FBN2: variants seen among roughly 807,000 people sequenced by gnomAD.
FBN2 encodes fibrillin 2.
A neutral mutation model predicts 355.6 loss-of-function variants in FBN2; 105 were observed. The ratio of observed to expected loss-of-function variants is 0.30; its 90% CI spans 0.25 to 0.35. The LOEUF (loss-of-function observed/expected upper bound fraction) is 0.35, where lower values mean the gene tolerates loss of function less well. FBN2 is among the 10% of genes least tolerant of loss of function. The pLI is 1.00. For missense variants in FBN2, 3,280 were observed against 3,758.7 expected, an observed-to-expected ratio of 0.87 and a Z score of 3.33; for synonymous variants, 1,350 against 1,301.2, an observed-to-expected ratio of 1.04 and a Z score of -0.81.
At chr5:128,428,221 C>A (rs1362875061) in intron 7 of FBN2, among the ~76,000 whole-genome samples, 1 of 152,148 alleles carries the variant, frequency 6.6e-6, no homozygotes, top group African/African-American at 2.4e-5. Context: ...CCCTTATTAT[C>A]TTGTTACTAC....
chr5:128,402,984 C>A (rs1175935739), intron 8 of FBN2, among the ~76,000 whole-genome samples: 1 of 152,188 alleles, frequency 6.6e-6, no homozygotes, highest in African/African-American at 2.4e-5. Context: ...AGGAAAACTT[C>A]TCCTTCTAAC....
chr5:128,404,852 G>A (rs773421700), intron 8 of FBN2, among the ~76,000 whole-genome samples: 13 of 152,178 alleles, frequency 8.5e-5, no homozygotes, highest in Non-Finnish European at 1.9e-4. Context: ...AGAAGAAAAT[G>A]TAGTTTAGGT....
intron 10 of FBN2, among the ~76,000 whole-genome samples, chr5:128,392,602 C>G (rs1269503430): frequency 6.6e-6 from 1 of 152,170 alleles, no homozygotes; most frequent in South Asian, 2.1e-4. Flanking sequence ...GGTCTGAAGC[C>G]CACGGTTTTC....
intron 5 of FBN2, among the ~76,000 whole-genome samples, chr5:128,485,114 C>T (rs186330917): frequency 1.3e-5 from 2 of 151,994 alleles, no homozygotes; most frequent in Non-Finnish European, 2.9e-5. Flanking sequence ...GCCTCAACTT[C>T]CTGGGCTCAA....
chr5:128,438,055 A>C (rs926016443), intron 7 of FBN2, among the ~76,000 whole-genome samples: 2 of 152,200 alleles, frequency 1.3e-5, no homozygotes, highest in African/African-American at 4.8e-5. Flanking sequence ...CAGTGGCATG[A>C]TCCCAGGTAA....
intron 2 of FBN2, among the ~76,000 whole-genome samples, chr5:128,534,763 T>C (rs114587275): frequency 2.0e-3 from 308 of 152,340 alleles, no homozygotes; most frequent in African/African-American, 7.0e-3. Context: ...AAGGCTCTGC[T>C]CTCTGGAATT....
chr5:128,324,647 C>T lies in FBN2; in HGVS notation c.4471+4049G>A, dbSNP rs191733340. On this transcript the variant is annotated intron_variant, in intron 34 of 64. Coordinates refer to ENST00000262464, the MANE Select transcript of FBN2 (RefSeq NM_001999.4). The stretch of plus-strand genomic sequence containing the variant: ...TTTTTTTTTTTTTGAGATGGAGTCT[C>T]GCTCTGTTGACCCAGCCTGGAGTGC... Among the ~76,000 whole-genome samples the T allele has an allele frequency of 4.2e-3, 623 of 147,224 alleles. 9 individuals are homozygous for T. The highest frequency in any genetic ancestry group is 0.015 in the African/African-American group (575 of 39,264).
At chr5:128,533,275 A>C (rs1756753110) in intron 2 of FBN2, among the ~76,000 whole-genome samples, 1 of 152,176 alleles carries the variant, frequency 6.6e-6, no homozygotes, top group Non-Finnish European at 1.5e-5. Flanking sequence ...GAGGAGACCC[A>C]AAGTACCTCC....
At position 128,486,158 on chromosome 5, in the gene FBN2, C is replaced by T. The variant is rs1192334761; in HGVS notation, c.629-21237G>A. 3.3e-5 allele frequency among the ~76,000 whole-genome samples: 5 copies of T among 152,032 alleles called. No individual in the cohort carries two copies. In the South Asian group the frequency reaches 8.3e-4, roughly 25 times the overall value. On this transcript the variant is annotated intron_variant, in intron 5 of 64. Coordinates refer to ENST00000262464, the MANE Select transcript of FBN2 (RefSeq NM_001999.4). The stretch of plus-strand genomic sequence containing the variant: ...TACCCTGCAATTTTTACTCCTTAGA[C>T]CTCTTTTTCTTCTTAGTACTATCAT...
intron 7 of FBN2, among the ~76,000 whole-genome samples, chr5:128,440,142 G>A (rs1230355846): frequency 6.6e-6 from 1 of 152,064 alleles, no homozygotes; most frequent in Non-Finnish European, 1.5e-5. Context: ...ACATGTTTTA[G>A]TATCTAAAAT....
intron 2 of FBN2, among the ~76,000 whole-genome samples, chr5:128,533,151 G>A (rs1756750186): frequency 6.6e-6 from 1 of 152,214 alleles, no homozygotes; most frequent in South Asian, 2.1e-4. Context: ...TTCTTAAAAT[G>A]TACTACAGTT....
rs142648159 is a variant in FBN2 at position 128,431,208 on chromosome 5, G to A, written c.952+15273C>T. On this transcript the variant is annotated intron_variant, in intron 7 of 64. Transcript: ENST00000262464. Reference sequence around the variant, plus strand: ...AGCCAAATTTATTGTTATCTTAGTGGGCCATTCCTTTCCCTTTGGAACTTT... The same window carrying A: ...AGCCAAATTTATTGTTATCTTAGTGAGCCATTCCTTTCCCTTTGGAACTTT... 8.1e-3 allele frequency among the ~76,000 whole-genome samples: 1,234 copies of A among 152,290 alleles called. 16 individuals are homozygous for A. Among genetic ancestry groups the A allele is most frequent in the Middle Eastern group, 0.058 (17 of 294 alleles).
chr5:128,287,316 A>G lies in FBN2; in HGVS notation c.6872T>C (p.Met2291Thr). ...CGAGTCTGAGGCCTTACCTTTGCAC[A>G]TCTTTTGATCTTCCCTGAGGGCATA... ...IGYALREDQK[M>T]CKDLDECAEG... Residue 2291 changes from methionine to threonine, a missense_variant, in exon 54 of 65, where the codon ATG (methionine) becomes ACG (threonine). Transcript: ENST00000262464. 1 of 1,613,980 alleles carries G rather than the reference A, an allele frequency of 6.2e-7. No homozygotes were observed.
chr5:128,482,296 G>A lies in FBN2; in HGVS notation c.629-17375C>T, dbSNP rs566435920. Among the ~76,000 whole-genome samples, 16 of 151,976 alleles carry A rather than the reference G, an allele frequency of 1.1e-4. No homozygotes were observed. In the East Asian group the frequency reaches 1.4e-3, roughly 13 times the overall value. On this transcript the variant is annotated intron_variant, in intron 5 of 64. Coordinates refer to ENST00000262464, the MANE Select transcript of FBN2 (RefSeq NM_001999.4). Reference sequence around the variant, plus strand: ...AGACACACATTTGGAAATTTCCCCCGCCCAGCAAGAGGACGATGAAGGCAG... The same window carrying A: ...AGACACACATTTGGAAATTTCCCCCACCCAGCAAGAGGACGATGAAGGCAG...
intron 3 of FBN2, among the ~76,000 whole-genome samples, chr5:128,528,847 C>T (rs950354532): frequency 3.9e-5 from 6 of 152,042 alleles, no homozygotes; most frequent in Admixed American, 3.3e-4. Flanking sequence ...TTGAAGAGGG[C>T]GAGAGTCTGG....
intron 6 of FBN2, among the ~76,000 whole-genome samples, chr5:128,463,082 A>G (rs909140753): frequency 6.6e-6 from 1 of 152,098 alleles, no homozygotes; most frequent in Non-Finnish European, 1.5e-5. Flanking sequence ...ACTATAGTAA[A>G]TCCAGTCATT....
intron 5 of FBN2, among the ~76,000 whole-genome samples, chr5:128,503,442 A>G (rs1234850359): frequency 6.6e-6 from 1 of 152,210 alleles, no homozygotes; most frequent in African/African-American, 2.4e-5. Flanking sequence ...GAGGGCTCAG[A>G]AGACAGGAAG....
chr5:128,464,693 G>T (rs764980414), intron 6 of FBN2, 31 bp downstream of exon 6: 2 of 1,602,566 alleles, frequency 1.2e-6, no homozygotes, highest in Non-Finnish European at 8.5e-7. Context: ...GCAGGTCTGC[G>T]ATGGTGTGCA....
chr5:128,354,665 G>C (rs1751456378), intron 20 of FBN2, among the ~76,000 whole-genome samples: 1 of 152,166 alleles, frequency 6.6e-6, no homozygotes, highest in Non-Finnish European at 1.5e-5. Context: ...GCAATCAATA[G>C]GTTTGCTGAT....
Sources: gnomAD v4.1 joint callset for allele counts (sites outside exome capture counted in the v4.1 genomes callset) on GRCh38, gnomAD v4.1.1 for gene constraint, MANE v1.5 for transcripts, NCBI Gene and HGNC (gene_info 2026-07-23, HGNC 2026-07-21) for gene names.